Variants in CPPED1 observed in about 807,000 individuals in gnomAD.
CPPED1 encodes the protein calcineurin like phosphoesterase domain containing 1, also known as serine/threonine-protein phosphatase CPPED1.
A neutral mutation model predicts 28.0 loss-of-function variants in CPPED1; 28 were observed. That is an observed-to-expected ratio of 1.00 (90% CI 0.74 to 1.37). The LOEUF is 1.37. Ranked by LOEUF, CPPED1 falls within the 40% of genes most tolerant of loss-of-function variation. The pLI, the probability that CPPED1 is intolerant of heterozygous loss-of-function variation, is 0.00. For missense variants in CPPED1, 504 were observed against 416.5 expected, an observed-to-expected ratio of 1.21 and a Z score of -1.83; for synonymous variants, 198 against 180.2, an observed-to-expected ratio of 1.10 and a Z score of -0.79.
chr16:12,667,015 A>G (rs1567270649), intron 3 of CPPED1, among the ~76,000 whole-genome samples: 1 of 148,580 alleles, frequency 6.7e-6, no homozygotes, highest in Non-Finnish European at 1.5e-5. Context: ...CGATATTACC[A>G]TGGGGCCCTA....
At chr16:12,782,635 G>T (rs908766963) in intron 1 of CPPED1, among the ~76,000 whole-genome samples, 1 of 150,716 alleles carries the variant, frequency 6.6e-6, no homozygotes, top group Non-Finnish European at 1.5e-5. Context: ...CAACATGGAC[G>T]AATCACCTGA....
chr16:12,696,444 T>C (rs1002627563), intron 3 of CPPED1, among the ~76,000 whole-genome samples: 1 of 149,266 alleles, frequency 6.7e-6, no homozygotes, highest in Non-Finnish European at 1.5e-5. Flanking sequence ...CTTTCTTTTT[T>C]TTTTTTTTTT....
Position 12,664,665 on chromosome 16 carries a change from C to A in CPPED1, c.*221G>T, listed in dbSNP as rs757943303. ...CAGAGATAGTCTAATATTTTAAAAA[C>A]TGATTTCCAGGATCATTCGCTCCAT... On this transcript the variant is annotated 3_prime_UTR_variant, in exon 4 of 4. Transcript: ENST00000381774. This position sits in a 1 kb window ranked among gnomAD's most constrained non-coding sequence, Gnocchi z 4.2. The A allele has an allele frequency of 7.3e-7, 1 of 1,376,670 alleles. No homozygotes were observed. The highest frequency in any genetic ancestry group is 3.6e-5 in the Admixed American group (1 of 27,932). The allele number at this position is 1,376,670 out of a possible 1,614,324, so 85.3% of individuals were successfully genotyped here. A position where few individuals can be genotyped will look rare whatever the true frequency, so the allele number is the denominator to read the frequency against.
At chr16:12,731,704 G>A (rs370826385) in intron 2 of CPPED1, among the ~76,000 whole-genome samples, 7 of 151,576 alleles carry the variant, frequency 4.6e-5, no homozygotes, top group African/African-American at 1.7e-4. Flanking sequence ...CAGTTTTTCT[G>A]TGCTGTACTC....
At chr16:12,673,148 G>C (rs2079861042) in intron 3 of CPPED1, among the ~76,000 whole-genome samples, 1 of 152,196 alleles carries the variant, frequency 6.6e-6, no homozygotes, top group South Asian at 2.1e-4. Flanking sequence ...TTGCAGCTGG[G>C]ACTGCTGGGT....
intron 2 of CPPED1, among the ~76,000 whole-genome samples, chr16:12,764,487 G>C (rs2080428148): frequency 6.6e-6 from 1 of 152,124 alleles, no homozygotes; most frequent in Non-Finnish European, 1.5e-5. Context: ...ACAGGCGTGA[G>C]CCACCACACC....
chr16:12,800,249 G>A (rs992931293), intron 1 of CPPED1, among the ~76,000 whole-genome samples: 2 of 152,162 alleles, frequency 1.3e-5, no homozygotes, highest in Admixed American at 6.5e-5. Flanking sequence ...GACCAGCCTG[G>A]CCAACATGGC....
intron 2 of CPPED1, among the ~76,000 whole-genome samples, chr16:12,749,180 T>G (rs1256533001): frequency 6.6e-6 from 1 of 152,188 alleles, no homozygotes; most frequent in Non-Finnish European, 1.5e-5. Context: ...TAAAGCTGTT[T>G]TGTTTAATAG....
intron 3 of CPPED1, among the ~76,000 whole-genome samples, chr16:12,685,481 A>C (rs1472156431): frequency 1.3e-5 from 2 of 152,194 alleles, no homozygotes; most frequent in African/African-American, 4.8e-5. Flanking sequence ...AATGATAATA[A>C]TAGCAATAAT....
At chr16:12,782,851 A>G (rs1320313523) in intron 1 of CPPED1, among the ~76,000 whole-genome samples, 1 of 152,092 alleles carries the variant, frequency 6.6e-6, no homozygotes, top group African/African-American at 2.4e-5. Context: ...AGCCTGGGTG[A>G]CAGAATGAGA....
chr16:12,739,641 C>T (rs193118317), intron 2 of CPPED1, among the ~76,000 whole-genome samples: 11 of 152,220 alleles, frequency 7.2e-5, no homozygotes, highest in Admixed American at 1.3e-4. Context: ...CAGATTGCTA[C>T]GAGTAGGCTA....
At chr16:12,742,973 C>G (rs901167809) in intron 2 of CPPED1, among the ~76,000 whole-genome samples, 1 of 152,192 alleles carries the variant, frequency 6.6e-6, no homozygotes, top group Non-Finnish European at 1.5e-5. Context: ...TAAGCTGTGA[C>G]AACATGTGTG....
intron 2 of CPPED1, among the ~76,000 whole-genome samples, chr16:12,714,569 G>C (rs2080097329): frequency 6.6e-6 from 1 of 152,136 alleles, no homozygotes; most frequent in Non-Finnish European, 1.5e-5. Flanking sequence ...TGTGCTTACT[G>C]GCAATTTTTA....
chr16:12,750,949 C>CA (rs1319117091), intron 2 of CPPED1, among the ~76,000 whole-genome samples: 3 of 151,418 alleles, frequency 2.0e-5, no homozygotes, highest in Non-Finnish European at 4.4e-5. Context: ...GCCTGGGTGA[C>CA]AGAGCAAGAC....
At chr16:12,792,298 T>C (rs1336582761) in intron 1 of CPPED1, among the ~76,000 whole-genome samples, 2 of 152,100 alleles carry the variant, frequency 1.3e-5, no homozygotes, top group African/African-American at 2.4e-5. Context: ...GTGGCTGTAG[T>C]CCCATCAGAC....
At chr16:12,714,632 GTTAT>G (rs1290914717) in intron 2 of CPPED1, among the ~76,000 whole-genome samples, 4 of 152,074 alleles carry the variant, frequency 2.6e-5, no homozygotes, top group African/African-American at 7.2e-5. Context: ...TTTCAGTTGG[GTTAT>G]TTGTCTTTTC....
chr16:12,785,792 C>A (rs1471009979), intron 1 of CPPED1, among the ~76,000 whole-genome samples: 2 of 152,198 alleles, frequency 1.3e-5, no homozygotes, highest in East Asian at 3.9e-4. Context: ...CCAGAGTTAC[C>A]CCCAGGGTAC....
chr16:12,779,604 G>T (rs1419631290), intron 2 of CPPED1, among the ~76,000 whole-genome samples: 1 of 151,984 alleles, frequency 6.6e-6, no homozygotes, highest in African/African-American at 2.4e-5. Flanking sequence ...TGGCCAGGCT[G>T]GTCTTGAATT....
At chr16:12,714,462 C>G (rs978054788) in intron 2 of CPPED1, among the ~76,000 whole-genome samples, 1 of 152,144 alleles carries the variant, frequency 6.6e-6, no homozygotes, top group Admixed American at 6.5e-5. Context: ...ATTTTTCACC[C>G]TTTTAATTGT....
Sources: gnomAD v4.1 joint callset for allele counts (sites outside exome capture counted in the v4.1 genomes callset) on GRCh38, gnomAD v4.1.1 for gene constraint, Gnocchi (gnomAD v3.1) non-coding constraint, MANE v1.5 for transcripts, NCBI Gene and HGNC (gene_info 2026-07-23, HGNC 2026-07-21) for gene names.